The following ARHGAP15 variants were observed in gnomAD, a reference collection of about 807,000 sequenced individuals.
ARHGAP15 encodes rho GTPase-activating protein 15.
In ARHGAP15, 51 loss-of-function variants were observed where a neutral mutation model predicts 63.7. That is an observed-to-expected ratio of 0.80 (90% CI 0.64 to 1.01). The LOEUF is 1.01. ARHGAP15 is among the 50% of genes least tolerant of loss of function. The probability of loss-of-function intolerance (pLI) is 0.00; values close to 1 mark genes in which losing one functional copy is unlikely to be tolerated. For missense variants in ARHGAP15, 560 were observed against 564.6 expected (o/e 0.99, Z 0.08); for synonymous variants, 191 against 193.8 (o/e 0.99, Z 0.12).
rs1165221862 is a variant in ARHGAP15, at chr2:143,250,565, G to C, written c.439G>C (p.Ala147Pro). Residue 147 changes from alanine (A) to proline (P), a missense_variant, in exon 6 of 14, where the codon GCC (alanine) becomes CCC (proline). By Grantham distance (27) the Ala-to-Pro change is conservative. Coordinates refer to ENST00000295095, the MANE Select transcript of ARHGAP15 (RefSeq NM_018460.4). ...VDLCGAHIEWAKEKSSRKNVF... is the reference protein window; with the variant it reads ...VDLCGAHIEWPKEKSSRKNVF... ...TTTGTGTGGAGCACACATTGAATGGGCCAAGGAAAAATCGAGCAGAAAGAA... is the reference window on the plus strand; with the variant it reads ...TTTGTGTGGAGCACACATTGAATGGCCCAAGGAAAAATCGAGCAGAAAGAA... 8 of 1,613,248 alleles carry C rather than the reference G, an allele frequency of 5.0e-6. No individual in the cohort carries two copies. The highest frequency in any genetic ancestry group is 5.9e-6 in the Non-Finnish European group (7 of 1,179,514).
At chr2:143,345,030 ACAT>A (rs1400346954) in intron 6 of ARHGAP15, among the ~76,000 whole-genome samples, 3 of 152,112 alleles carry the variant, frequency 2.0e-5, no homozygotes, top group African/African-American at 7.2e-5. Context: ...TTCAACAATA[ACAT>A]CAACAAATCA....
intron 6 of ARHGAP15, among the ~76,000 whole-genome samples, chr2:143,356,515 C>G (rs1017559453): frequency 1.3e-5 from 2 of 152,064 alleles, no homozygotes; most frequent in Admixed American, 1.3e-4. Context: ...TGCTTCCTTT[C>G]CCCCTTTAAG....
At chr2:143,738,843 A>G (rs1400033843) in intron 13 of ARHGAP15, among the ~76,000 whole-genome samples, 1 of 152,104 alleles carries the variant, frequency 6.6e-6, no homozygotes, top group Non-Finnish European at 1.5e-5. Flanking sequence ...AACAAAAGAC[A>G]CTCTGGTTGG....
intron 6 of ARHGAP15, among the ~76,000 whole-genome samples, chr2:143,421,766 G>GTATATATATATA: frequency 9.2e-6 from 1 of 109,006 alleles, no homozygotes; most frequent in Non-Finnish European, 1.9e-5. Context: ...TGCACATGGT[G>GTATATATATATA]TATATATATA....
chr2:143,516,315 C>T (rs142779303), intron 9 of ARHGAP15, among the ~76,000 whole-genome samples: 1 of 152,268 alleles, frequency 6.6e-6, no homozygotes, highest in African/African-American at 2.4e-5. Context: ...ATGCTGTTGT[C>T]TGTATCTTCT....
intron 13 of ARHGAP15, among the ~76,000 whole-genome samples, chr2:143,713,576 C>T (rs1006160111): frequency 6.6e-6 from 1 of 152,248 alleles, no homozygotes; most frequent in Admixed American, 6.5e-5. Flanking sequence ...GTCCACAGTC[C>T]AAATTCTCAT....
Position 143,155,667 on chromosome 2 carries a change from AC to A in ARHGAP15, c.165+16del. ...AGGTCACTGAACCTGTAAGTCAAAT[AC>A]CCCAAATATCCCAAGTTCCTTGTCA... On this transcript the variant is annotated intron_variant, in intron 2 of 13. Transcript: ENST00000295095. The A allele has an allele frequency of 6.5e-7, 1 of 1,536,602 alleles. No individual in the cohort carries two copies. The highest frequency in any genetic ancestry group is 8.7e-7 in the Non-Finnish European group (1 of 1,147,354).
intron 6 of ARHGAP15, among the ~76,000 whole-genome samples, chr2:143,418,637 T>C (rs1019142740): frequency 6.6e-6 from 1 of 152,126 alleles, no homozygotes; most frequent in African/African-American, 2.4e-5. Context: ...AAATATAAAT[T>C]GGAAAAATTA....
At chr2:143,705,301 T>C (rs1046478431) in intron 13 of ARHGAP15, among the ~76,000 whole-genome samples, 1 of 152,132 alleles carries the variant, frequency 6.6e-6, no homozygotes, top group Non-Finnish European at 1.5e-5. Context: ...TTCTTGTCAC[T>C]CCCACATACT....
intron 6 of ARHGAP15, among the ~76,000 whole-genome samples, chr2:143,390,152 C>T (rs1048248748): frequency 6.6e-6 from 1 of 152,034 alleles, no homozygotes; most frequent in Non-Finnish European, 1.5e-5. Context: ...CACCATCAGG[C>T]ATATTATATT....
chr2:143,184,757 C>T (rs981877129), intron 2 of ARHGAP15, among the ~76,000 whole-genome samples: 2 of 152,050 alleles, frequency 1.3e-5, no homozygotes, highest in Non-Finnish European at 2.9e-5. Flanking sequence ...TTATAGCTCA[C>T]CACAGCCTTG....
chr2:143,707,214 T>C (rs1375449943), intron 13 of ARHGAP15, among the ~76,000 whole-genome samples: 2 of 152,054 alleles, frequency 1.3e-5, no homozygotes, highest in Admixed American at 6.6e-5. Context: ...TGCAATTGGA[T>C]TGGAGTGATG....
intron 6 of ARHGAP15, among the ~76,000 whole-genome samples, chr2:143,375,244 C>T (rs757798430): frequency 2.0e-5 from 3 of 152,148 alleles, no homozygotes; most frequent in South Asian, 4.1e-4. Flanking sequence ...GCATTACTAA[C>T]ATCTATCTAG....
intron 12 of ARHGAP15, among the ~76,000 whole-genome samples, chr2:143,681,014 G>C (rs1683075096): frequency 6.6e-6 from 1 of 152,176 alleles, no homozygotes; most frequent in African/African-American, 2.4e-5. Context: ...TCACCTTTCA[G>C]TGCAAAGACA....
At chr2:143,402,252 A>G (rs1688015216) in intron 6 of ARHGAP15, among the ~76,000 whole-genome samples, 1 of 151,824 alleles carries the variant, frequency 6.6e-6, no homozygotes, top group South Asian at 2.1e-4. Context: ...ATATTATTAC[A>G]ATGATATAAA....
intron 2 of ARHGAP15, among the ~76,000 whole-genome samples, chr2:143,169,469 C>T (rs1690682082): frequency 6.6e-6 from 1 of 152,070 alleles, no homozygotes; most frequent in African/African-American, 2.4e-5. Flanking sequence ...AAACTCCTGT[C>T]TCCTTTCAGT....
At chr2:143,430,382 T>G (rs1689332863) in intron 6 of ARHGAP15, among the ~76,000 whole-genome samples, 2 of 152,070 alleles carry the variant, frequency 1.3e-5, no homozygotes, top group South Asian at 4.1e-4. Context: ...TAGGAATTAC[T>G]CAAACCAGAC....
At chr2:143,661,240 C>T (rs1302001154) in intron 12 of ARHGAP15, among the ~76,000 whole-genome samples, 2 of 152,210 alleles carry the variant, frequency 1.3e-5, no homozygotes, top group Non-Finnish European at 2.9e-5. Flanking sequence ...CTTGATCACA[C>T]TTGCAAAGTC....
intron 10 of ARHGAP15, among the ~76,000 whole-genome samples, chr2:143,553,932 T>C (rs1178768252): frequency 6.6e-6 from 1 of 152,204 alleles, no homozygotes; most frequent in African/African-American, 2.4e-5. Flanking sequence ...ACACCTTGTA[T>C]AAATGAATAT....
Sources: allele counts gnomAD v4.1 joint callset (sites outside exome capture counted in the v4.1 genomes callset), GRCh38; gene constraint gnomAD v4.1.1; transcripts MANE v1.5; gene names NCBI Gene and HGNC (gene_info 2026-07-23, HGNC 2026-07-21).